The following IPPK variants were observed in gnomAD, a reference collection of about 807,000 sequenced individuals.
The protein encoded by IPPK is IPK1 homolog.
IPPK carries 22 observed loss-of-function variants against 64.6 expected under a neutral mutation model. The observed-to-expected ratio is 0.34, with a 90% confidence interval of 0.24 to 0.49. The LOEUF (loss-of-function observed/expected upper bound fraction) is 0.49, where lower values mean the gene tolerates loss of function less well. IPPK is among the 20% of genes least tolerant of loss of function. The probability of loss-of-function intolerance (pLI) is 0.99; values close to 1 mark genes in which losing one functional copy is unlikely to be tolerated. For synonymous variants in IPPK, 262 were observed against 247.2 expected, an observed-to-expected ratio of 1.06 and a Z score of -0.56; for missense variants, 532 against 630.7, an observed-to-expected ratio of 0.84 and a Z score of 1.68.
chr9:92,619,680 G>A, intron 11 of IPPK, 115 bp from the exon 12 acceptor site: 2 of 967,844 alleles, frequency 2.1e-6, no homozygotes, highest in Non-Finnish European at 3.2e-6. Flanking sequence ...GAACCTGAGG[G>A]TGGGATTAGG....
chr9:92,659,974 G>C (rs976187627), intron 1 of IPPK, among the ~76,000 whole-genome samples: 1 of 151,908 alleles, frequency 6.6e-6, no homozygotes, highest in African/African-American at 2.4e-5. Context: ...GCATGCTACC[G>C]CTGTCCCCTC....
intron 1 of IPPK, among the ~76,000 whole-genome samples, chr9:92,667,958 T>C (rs1200892426): frequency 6.7e-6 from 1 of 149,428 alleles, no homozygotes; most frequent in Non-Finnish European, 1.5e-5. Context: ...GTAGGTAAAT[T>C]TGAAAAGGTG....
At chr9:92,652,232 G>A (rs1378581194) in intron 4 of IPPK, among the ~76,000 whole-genome samples, 6 of 151,906 alleles carry the variant, frequency 3.9e-5, no homozygotes, top group Admixed American at 6.6e-5. Flanking sequence ...GGTGGATCAC[G>A]AGGTCAGGAG....
intron 9 of IPPK, among the ~76,000 whole-genome samples, chr9:92,636,557 C>G (rs1376585536): frequency 6.6e-6 from 1 of 152,152 alleles, no homozygotes; most frequent in East Asian, 1.9e-4. Context: ...AGGAAGATCA[C>G]TTGAGCCCTG....
chr9:92,621,740 C>T (rs1851639033), intron 11 of IPPK, among the ~76,000 whole-genome samples: 2 of 152,124 alleles, frequency 1.3e-5, no homozygotes, highest in African/African-American at 4.8e-5. Context: ...TGGTCTTGAA[C>T]TCCTGAGCTC....
chr9:92,644,875 G>A (rs1321899131), intron 6 of IPPK, among the ~76,000 whole-genome samples: 1 of 152,020 alleles, frequency 6.6e-6, no homozygotes, highest in Non-Finnish European at 1.5e-5. Flanking sequence ...AACACGCAAA[G>A]AAACAAGAAA....
intron 12 of IPPK, 88 bp downstream of exon 12, chr9:92,619,398 G>T (rs1851550759): frequency 3.7e-6 from 4 of 1,092,546 alleles, no homozygotes; most frequent in African/African-American, 1.6e-5. Context: ...TCTAAATATG[G>T]GGAAACCAAC....
At chr9:92,631,120 A>G (rs985557943) in intron 11 of IPPK, among the ~76,000 whole-genome samples, 5 of 151,596 alleles carry the variant, frequency 3.3e-5, no homozygotes, top group Non-Finnish European at 5.9e-5. Context: ...AGCAAGAGTT[A>G]TTGGGGGCTT....
chr9:92,619,422 A>G (rs879036555), intron 12 of IPPK, 64 bp downstream of exon 12: 45 of 1,304,978 alleles, frequency 3.4e-5, no homozygotes, highest in Non-Finnish European at 4.0e-5. Flanking sequence ...CCTATTAACA[A>G]TTCACCAACT....
chr9:92,622,065 A>G (rs1223500521), intron 11 of IPPK, among the ~76,000 whole-genome samples: 1 of 152,230 alleles, frequency 6.6e-6, no homozygotes, highest in African/African-American at 2.4e-5. Flanking sequence ...AACAGAAAAT[A>G]TTTTGGTCAT....
chr9:92,649,462 T>C lies in IPPK; in HGVS notation c.405A>G (p.Val135=), dbSNP rs148022770. 40 of 1,613,638 alleles carry C rather than the reference T, an allele frequency of 2.5e-5. No individual in the cohort carries two copies. The African/African-American group carries it at 4.3e-4, about 17-fold the overall frequency. The change falls in exon 5 of 13, where the codon GTA becomes GTG. Residue 135 remains valine, a synonymous_variant. Transcript: ENST00000287996. ...CCCCTCGACAGGTCACCTTAATCTC[T>C]ACACACAGAATCGGCCGGTGCTCTG... ...RFAEHRPILC[V]EIKPKCGFIP...
intron 11 of IPPK, among the ~76,000 whole-genome samples, chr9:92,622,930 G>T (rs1851669207): frequency 6.6e-6 from 1 of 152,082 alleles, no homozygotes; most frequent in Non-Finnish European, 1.5e-5. Context: ...CATTTGAAAA[G>T]AAAATAAAAC....
At chr9:92,617,467 G>GCAC (rs1851477318) in intron 12 of IPPK, 1 of 152,814 alleles carries the variant, frequency 6.5e-6, no homozygotes. Flanking sequence ...TGACCAGCGG[G>GCAC]CACCAGCTCC....
chr9:92,618,756 G>A, intron 12 of IPPK: 1 of 357,464 alleles, frequency 2.8e-6, no homozygotes, highest in South Asian at 2.1e-5. Context: ...CAGGGAACAG[G>A]AATCCTGGGA....
chr9:92,661,854 C>G lies in IPPK; in HGVS notation c.82-3173G>C, dbSNP rs538754759. On this transcript the variant is annotated intron_variant, in intron 1 of 12. Coordinates refer to ENST00000287996, the MANE Select transcript of IPPK (RefSeq NM_022755.6). Reference sequence around the variant, plus strand: ...ATGTGAGGGACCTGATCAGGCTGGGCTGGCCGAGGTGGGTGGTCCCCAAGA... The same window carrying G: ...ATGTGAGGGACCTGATCAGGCTGGGGTGGCCGAGGTGGGTGGTCCCCAAGA... 2.0e-5 allele frequency among the ~76,000 whole-genome samples: 3 copies of G among 152,374 alleles called. No individual in the cohort carries two copies. The East Asian group carries it at 5.8e-4, about 29-fold the overall frequency.
At chr9:92,648,905 C>T (rs1449765649) in intron 5 of IPPK, among the ~76,000 whole-genome samples, 1 of 152,248 alleles carries the variant, frequency 6.6e-6, no homozygotes, top group Admixed American at 6.5e-5. Context: ...AAATTCAGGA[C>T]TCCTGGCCAT....
chr9:92,623,118 G>A (rs976578975), intron 11 of IPPK, among the ~76,000 whole-genome samples: 6 of 152,048 alleles, frequency 3.9e-5, no homozygotes, highest in East Asian at 1.9e-4. Flanking sequence ...ATTATGAACC[G>A]TTCTTATAAG....
chr9:92,615,275 G>T lies in IPPK; in HGVS notation c.*557C>A, dbSNP rs147435929. The T allele has an allele frequency of 6.9e-3, 1,102 of 160,164 alleles. 8 individuals carry two copies. The highest frequency in any genetic ancestry group is 0.025 in the African/African-American group (1,048 of 41,592). 9.9% of individuals were successfully genotyped at this position (160,164 alleles called of 1,614,324 possible). A position where few individuals can be genotyped will look rare whatever the true frequency, so the allele number is the denominator to read the frequency against. On this transcript the variant is annotated 3_prime_UTR_variant, in exon 13 of 13. Coordinates refer to ENST00000287996, the MANE Select transcript of IPPK (RefSeq NM_022755.6). ...TCCACAGGGACCCTGAGTCTACACT[G>T]CTCAGAATCGGCATCTGCGCGACCA...
chr9:92,638,293 A>G lies in IPPK; in HGVS notation c.637-13T>C. 6.2e-7 allele frequency: 1 copy of G among 1,607,068 alleles called. No homozygotes were observed. The highest frequency in any genetic ancestry group is 8.5e-7 in the Non-Finnish European group (1 of 1,174,704). Reference sequence around the variant, plus strand: ...TCAGCTCACCATTCTTCAGACAGGGAAAAGAAAGAGGGAAACGTCAAACCA... The same window carrying G: ...TCAGCTCACCATTCTTCAGACAGGGGAAAGAAAGAGGGAAACGTCAAACCA... On this transcript the variant is annotated splice_polypyrimidine_tract_variant and intron_variant, in intron 8 of 12. Coordinates refer to ENST00000287996, the MANE Select transcript of IPPK (RefSeq NM_022755.6).
Sources: allele counts gnomAD v4.1 joint callset (sites outside exome capture counted in the v4.1 genomes callset), GRCh38; gene constraint gnomAD v4.1.1; transcripts MANE v1.5; gene names NCBI Gene and HGNC (gene_info 2026-07-23, HGNC 2026-07-21).